CUL1: variants seen among roughly 807,000 people sequenced by gnomAD.
CUL1 encodes the protein cullin 1.
Under a neutral mutation model 118.0 loss-of-function variants are expected in CUL1, and 24 were observed. The observed-to-expected ratio is 0.20, with a 90% CI of 0.15 to 0.29. The LOEUF (loss-of-function observed/expected upper bound fraction) is 0.29. Among genes scored for constraint, CUL1 ranks in the 10% least tolerant of loss-of-function variants. The pLI is 1.00. For missense variants in CUL1, 361 were observed against 933.8 expected (o/e 0.39, Z 7.99); for synonymous variants, 332 against 340.4 (o/e 0.98, Z 0.27).
At chr7:148,769,688 G>A (rs1800145646) in intron 9 of CUL1, among the ~76,000 whole-genome samples, 1 of 152,146 alleles carries the variant, frequency 6.6e-6, no homozygotes, top group Admixed American at 6.5e-5. Context: ...CTAGGTATGA[G>A]ATTGGCCTTA....
Position 148,787,044 on chromosome 7 carries a change from A to C in CUL1, c.1403A>C (p.Lys468Thr). Reference protein sequence around the residue: ...DKDVFQKFYAKMLAKRLVHQN... With the variant: ...DKDVFQKFYATMLAKRLVHQN... ...GACGTATTTCAGAAGTTCTATGCGA[A>C]GATGCTCGCCAAGAGGCTCGTCCAC... The change falls in exon 13 of 22, where the codon AAG becomes ACG. Residue 468 changes from lysine (K) to threonine (T), a missense_variant. This residue lies in a region of CUL1 where 169 missense variants were observed against 429.7 expected (regional missense o/e 0.39). Transcript: ENST00000325222. This position sits in a 1 kb window ranked among gnomAD's most constrained non-coding sequence, Gnocchi z 5.5. 6.2e-7 allele frequency: 1 copy of C among 1,613,646 alleles called. No individual in the cohort carries two copies. Among genetic ancestry groups the C allele is most frequent in the Non-Finnish European group, 8.5e-7 (1 of 1,179,814 alleles).
intron 9 of CUL1, chr7:148,783,282 G>A: frequency 2.1e-6 from 2 of 972,712 alleles, no homozygotes; most frequent in East Asian, 1.2e-4. Flanking sequence ...CCTGGCCCCC[G>A]GCATCGCCAC....
chr7:148,789,581 A>C (rs765757571), intron 14 of CUL1, among the ~76,000 whole-genome samples, 169 bp from the exon 15 acceptor site: 4 of 152,174 alleles, frequency 2.6e-5, no homozygotes, highest in Non-Finnish European at 5.9e-5. Flanking sequence ...TGCTAATTTT[A>C]ATTGAATAAA....
intron 1 of CUL1, among the ~76,000 whole-genome samples, chr7:148,710,811 C>T (rs891401107): frequency 1.3e-5 from 2 of 151,906 alleles, no homozygotes; most frequent in East Asian, 1.9e-4. Context: ...TTAAAGGCGC[C>T]CACCACCATG....
intron 1 of CUL1, among the ~76,000 whole-genome samples, chr7:148,723,714 T>TA (rs1467658772): frequency 3.3e-5 from 5 of 151,480 alleles, no homozygotes; most frequent in African/African-American, 1.2e-4. Flanking sequence ...ATATCATTTT[T>TA]AAATGAAAAA....
chr7:148,747,034 A>C (rs990668101), intron 2 of CUL1, among the ~76,000 whole-genome samples: 7 of 152,218 alleles, frequency 4.6e-5, no homozygotes, highest in African/African-American at 1.7e-4. Flanking sequence ...CATTTCCGTG[A>C]TGATTTCCCT....
intron 2 of CUL1, among the ~76,000 whole-genome samples, chr7:148,742,214 C>A (rs769470870): frequency 6.6e-6 from 1 of 152,118 alleles, no homozygotes; most frequent in Non-Finnish European, 1.5e-5. Flanking sequence ...TCTCATACAG[C>A]TAATAAAGAT....
Position 148,780,286 on chromosome 7 carries a change from GC to G in CUL1, c.1084-3496del, listed in dbSNP as rs1279678386. ...AGAGAAGAATGATGCAGAGACACTG[GC>G]TTTGTAATGGACAGGTTTTGTGTTT... On this transcript the variant is annotated intron_variant, in intron 9 of 21. Coordinates refer to ENST00000325222, the MANE Select transcript of CUL1 (RefSeq NM_003592.3). 1.3e-5 allele frequency among the ~76,000 whole-genome samples: 2 copies of G among 152,294 alleles called. 1 individual carries two copies. The highest frequency in any genetic ancestry group is 4.8e-5 in the African/African-American group (2 of 41,566).
At chr7:148,703,017 G>C (rs951116697) in intron 1 of CUL1, among the ~76,000 whole-genome samples, 1 of 152,212 alleles carries the variant, frequency 6.6e-6, no homozygotes, top group African/African-American at 2.4e-5. Context: ...CTGAGACTTT[G>C]AGTGGTGCAG....
At chr7:148,766,514 T>C (rs1210832873) in intron 7 of CUL1, 47 bp from the exon 8 acceptor site, 1 of 1,509,354 alleles carries the variant, frequency 6.6e-7, no homozygotes, top group Non-Finnish European at 8.9e-7. Flanking sequence ...TTGTAACAGT[T>C]CTTTACCAAT....
At chr7:148,798,796 T>A in intron 20 of CUL1, 119 bp downstream of exon 20, 1 of 814,688 alleles carries the variant, frequency 1.2e-6, no homozygotes, top group Admixed American at 1.9e-5. Context: ...TGAATGGGTC[T>A]GTGATGGCAG....
chr7:148,711,115 C>A (rs539309407), intron 1 of CUL1, among the ~76,000 whole-genome samples: 1 of 152,290 alleles, frequency 6.6e-6, no homozygotes, highest in East Asian at 1.9e-4. Flanking sequence ...AGAAGACATA[C>A]TCAAATCATT....
At chr7:148,772,511 G>A (rs924501499) in intron 9 of CUL1, among the ~76,000 whole-genome samples, 1 of 152,052 alleles carries the variant, frequency 6.6e-6, no homozygotes, top group South Asian at 2.1e-4. Flanking sequence ...TGCATGATGT[G>A]GTCAGTGTTT....
chr7:148,788,414 A>G, intron 13 of CUL1, 143 bp from the exon 14 acceptor site: 1 of 607,140 alleles, frequency 1.6e-6, no homozygotes, highest in Non-Finnish European at 2.9e-6. Context: ...TTTGTACTGT[A>G]AAATATAGCA....
At chr7:148,725,247 A>G (rs73745348) in intron 1 of CUL1, among the ~76,000 whole-genome samples, 2 of 150,934 alleles carry the variant, frequency 1.3e-5, no homozygotes, top group Non-Finnish European at 3.0e-5. Flanking sequence ...ACACACACAC[A>G]CCCGTACCCC....
intron 2 of CUL1, among the ~76,000 whole-genome samples, chr7:148,739,437 C>T (rs76570239): frequency 0.025 from 3,828 of 152,270 alleles, 126 homozygotes; most frequent in African/African-American, 0.077. Flanking sequence ...GTTCTTTAGG[C>T]GAAGGTGCCC....
At chr7:148,789,251 C>T (rs1244994671) in intron 14 of CUL1, among the ~76,000 whole-genome samples, 1 of 152,108 alleles carries the variant, frequency 6.6e-6, no homozygotes, top group Non-Finnish European at 1.5e-5. Flanking sequence ...ACAGTTTTGC[C>T]AGTGGGCTTT....
chr7:148,726,325 C>A (rs1052390760), intron 1 of CUL1, among the ~76,000 whole-genome samples: 1 of 151,732 alleles, frequency 6.6e-6, no homozygotes, highest in African/African-American at 2.4e-5. Flanking sequence ...GGTATCTTGA[C>A]TTTATCTTTT....
chr7:148,783,856 A>G lies in CUL1; in HGVS notation c.1157A>G (p.Asn386Ser), dbSNP rs752259434. 2.5e-6 allele frequency: 4 copies of G among 1,614,252 alleles called. No homozygotes were observed. Among genetic ancestry groups the G allele is most frequent in the East Asian group, 4.5e-5 (2 of 44,894 alleles). Residue 386 changes from asparagine to serine, a missense_variant, in exon 10 of 22, where the codon AAC (asparagine) becomes AGC (serine). By Grantham distance (46) the Asn-to-Ser change is conservative. Coordinates refer to ENST00000325222, the MANE Select transcript of CUL1 (RefSeq NM_003592.3). ...KYNALVMSAFNNDAGFVAALD... is the reference protein window; with the variant it reads ...KYNALVMSAFSNDAGFVAALD... ...AATGCCCTGGTAATGTCTGCATTCA[A>G]CAATGACGCTGGCTTTGTGGCTGCT... is the stretch of plus-strand genomic sequence containing the variant.
Sources: allele counts gnomAD v4.1 joint callset (sites outside exome capture counted in the v4.1 genomes callset), GRCh38; gene constraint gnomAD v4.1.1; regional missense constraint gnomAD v4.1.1; non-coding constraint Gnocchi (gnomAD v3.1); transcripts MANE v1.5; gene names NCBI Gene and HGNC (gene_info 2026-07-23, HGNC 2026-07-21).